The following KMT2A variants were observed in gnomAD, a reference collection of about 807,000 sequenced individuals.
KMT2A encodes histone-lysine N-methyltransferase 2A.
In KMT2A, 16 loss-of-function variants were observed where a neutral mutation model predicts 345.3. That is an observed-to-expected ratio of 0.05 (90% CI 0.03 to 0.07). The LOEUF (loss-of-function observed/expected upper bound fraction) is 0.07, where lower values mean the gene tolerates loss of function less well. Among genes scored for constraint, KMT2A ranks in the 10% least tolerant of loss-of-function variants. KMT2A has a pLI of 1.00. For synonymous variants in KMT2A, 1,599 were observed against 1,778.6 expected (o/e 0.90, Z 2.54); for missense variants, 3,272 against 4,841.6 (o/e 0.68, Z 9.62).
intron 1 of KMT2A, among the ~76,000 whole-genome samples, chr11:118,451,287 C>T (rs1199230600): frequency 2.0e-5 from 3 of 150,426 alleles, no homozygotes; most frequent in Non-Finnish European, 3.0e-5. Flanking sequence ...ACACAGCTCA[C>T]TGCAGCCTCA....
intron 31 of KMT2A, 161 bp from the exon 32 acceptor site, chr11:118,519,457 C>T: frequency 1.6e-6 from 1 of 620,454 alleles, no homozygotes; most frequent in Non-Finnish European, 2.9e-6. Flanking sequence ...GTATCAGCAT[C>T]ATTTTAATGG....
rs1214987071 is a variant in KMT2A, at chr11:118,481,937, C to T, written c.3857C>T (p.Ala1286Val). 1 of 1,614,190 alleles carries T rather than the reference C, an allele frequency of 6.2e-7. No individual in the cohort carries two copies. Among genetic ancestry groups the T allele is most frequent in the Non-Finnish European group, 8.5e-7 (1 of 1,180,036 alleles). ...GCCCCTGGGCCTGAATCCAAACAGG[C>T]CACCACTCCAGCTTCCAGGAAGTCA... ...VSAPGPESKQ[A>V]TTPASRKSSK... The change falls in exon 7 of 36, where the codon GCC (alanine) becomes GTC (valine). Residue 1286 changes from alanine to valine, a missense_variant. By Grantham distance (64) the Ala-to-Val change is moderately conservative. Transcript: ENST00000534358.
At chr11:118,519,926 C>T in intron 32 of KMT2A, 31 bp from the exon 33 acceptor site, 1 of 1,576,338 alleles carries the variant, frequency 6.3e-7, no homozygotes, top group Admixed American at 1.7e-5. Context: ...TAAAGCATTT[C>T]TCTAAATATG....
chr11:118,488,305 C>G (rs1399221456), intron 10 of KMT2A, among the ~76,000 whole-genome samples: 1 of 152,182 alleles, frequency 6.6e-6, no homozygotes, highest in Non-Finnish European at 1.5e-5. Context: ...TTCCCCCACC[C>G]CACTCCTTTA....
rs1951058053 is a variant in KMT2A, at chr11:118,525,310, C to A, written c.*3138C>A. 1.8e-5 allele frequency: 4 copies of A among 227,838 alleles called. No individual in the cohort carries two copies. In the East Asian group the frequency reaches 2.5e-4, roughly 14 times the overall value. The allele number at this position is 227,838 out of a possible 1,614,324, so 14.1% of individuals were successfully genotyped here. Reference sequence around the variant, plus strand: ...CTCACTTATAGCTTTGCTGCTAGAACCTGTTGTGGCTGCATTTCCTGGTGG... The same window carrying A: ...CTCACTTATAGCTTTGCTGCTAGAAACTGTTGTGGCTGCATTTCCTGGTGG... On this transcript the variant is annotated 3_prime_UTR_variant, in exon 36 of 36. Transcript: ENST00000534358.
At chr11:118,468,692 G>A in intron 1 of KMT2A, 83 bp from the exon 2 acceptor site, 1 of 1,027,738 alleles carries the variant, frequency 9.7e-7, no homozygotes, top group Non-Finnish European at 1.5e-6. Flanking sequence ...AAATTCATTT[G>A]TGTCTCCTCT....
chr11:118,443,653 A>AT (rs1461108004), intron 1 of KMT2A, among the ~76,000 whole-genome samples: 1 of 152,210 alleles, frequency 6.6e-6, no homozygotes, highest in Non-Finnish European at 1.5e-5. Flanking sequence ...CAACAAAGAT[A>AT]TAAGAGTTAG....
At chr11:118,437,881 C>T (rs901108430) in intron 1 of KMT2A, among the ~76,000 whole-genome samples, 2 of 152,146 alleles carry the variant, frequency 1.3e-5, no homozygotes, top group African/African-American at 4.8e-5. Context: ...CCCTCCAGCT[C>T]TGGGGAAGGG....
intron 26 of KMT2A, 107 bp downstream of exon 26, chr11:118,501,964 A>G (rs1301064207): frequency 7.4e-5 from 74 of 1,001,598 alleles, no homozygotes; most frequent in Non-Finnish European, 1.0e-4. Context: ...TTGAAAATGT[A>G]GATTCCGGGT....
intron 1 of KMT2A, chr11:118,438,995 T>C (rs782769037): frequency 2.1e-6 from 1 of 476,654 alleles, no homozygotes; most frequent in South Asian, 1.5e-5. Flanking sequence ...ATTATTTTTT[T>C]TTGAAAGGCC....
intron 1 of KMT2A, among the ~76,000 whole-genome samples, chr11:118,458,700 A>C (rs1045979163): frequency 6.6e-6 from 1 of 152,242 alleles, no homozygotes; most frequent in African/African-American, 2.4e-5. Context: ...AAGGTGCAAC[A>C]TTAAGACCTT....
chr11:118,461,529 G>A (rs575288656), intron 1 of KMT2A, among the ~76,000 whole-genome samples: 16 of 152,274 alleles, frequency 1.1e-4, no homozygotes, highest in African/African-American at 3.9e-4. Flanking sequence ...AGTCTCCAAG[G>A]ACATCAGTGT....
intron 1 of KMT2A, among the ~76,000 whole-genome samples, chr11:118,455,792 G>T (rs1258518185): frequency 6.6e-6 from 1 of 151,606 alleles, no homozygotes; most frequent in African/African-American, 2.4e-5. Flanking sequence ...TGACCTCCTG[G>T]GCTCTGGTGA....
Position 118,484,265 on chromosome 11 carries a change from A to G in KMT2A, c.4169A>G (p.Lys1390Arg). Residue 1390 changes from lysine (K) to arginine (R), a missense_variant, in exon 9 of 36, where the codon AAG (lysine) becomes AGG (arginine). By Grantham distance (26) the Lys-to-Arg change is conservative. Around this residue, in one of 27 missense-constraint regions of KMT2A, gnomAD observed 168 missense variants for 216.0 expected, o/e 0.78. Coordinates refer to ENST00000534358, the MANE Select transcript of KMT2A (RefSeq NM_001197104.2). The surrounding 1 kb of genome is among the most constrained non-coding windows in gnomAD (Gnocchi z 4.1). ...ACTCTCTCCAATGGCAATAGTTCTA[A>G]GCAAAAAATTCCAGCAGATGGAGTC... is the stretch of plus-strand genomic sequence containing the variant. ...LSTLSNGNSSKQKIPADGVHR... is the reference protein window; with the variant it reads ...LSTLSNGNSSRQKIPADGVHR... 6.2e-7 allele frequency: 1 copy of G among 1,614,196 alleles called. No individual in the cohort carries two copies. Among genetic ancestry groups the G allele is most frequent in the African/African-American group, 1.3e-5 (1 of 75,052 alleles).
At chr11:118,486,864 G>A (rs1458900121) in intron 10 of KMT2A, among the ~76,000 whole-genome samples, 3 of 151,814 alleles carry the variant, frequency 2.0e-5, no homozygotes, top group Admixed American at 6.6e-5. Flanking sequence ...CTCCAGCCTG[G>A]GCAACTAAGC....
intron 1 of KMT2A, among the ~76,000 whole-genome samples, chr11:118,445,399 A>G (rs1949398051): frequency 2.0e-5 from 3 of 152,204 alleles, no homozygotes; most frequent in African/African-American, 7.2e-5. Flanking sequence ...TGTTGTCTCT[A>G]TAACTAGTGT....
At chr11:118,513,845 G>C (rs1032252111) in intron 31 of KMT2A, among the ~76,000 whole-genome samples, 1 of 150,212 alleles carries the variant, frequency 6.7e-6, no homozygotes, top group Non-Finnish European at 1.5e-5. Flanking sequence ...GCTGATGTGG[G>C]AGGAGCGCAT....
intron 29 of KMT2A, 31 bp from the exon 30 acceptor site, chr11:118,509,917 C>T (rs1950653401): frequency 1.3e-6 from 2 of 1,549,264 alleles, no homozygotes; most frequent in South Asian, 1.2e-5. Context: ...GCATTTGTTA[C>T]TGCAACCACT....
intron 1 of KMT2A, among the ~76,000 whole-genome samples, chr11:118,463,174 T>C (rs1268767671): frequency 2.0e-5 from 3 of 151,654 alleles, no homozygotes; most frequent in Non-Finnish European, 4.4e-5. Flanking sequence ...CCCAGGCTGG[T>C]CTTGCACTCC....
Sources: gnomAD v4.1 joint callset for allele counts (sites outside exome capture counted in the v4.1 genomes callset) on GRCh38, gnomAD v4.1.1 for gene constraint, gnomAD v4.1.1 regional missense constraint, Gnocchi (gnomAD v3.1) non-coding constraint, MANE v1.5 for transcripts, NCBI Gene and HGNC (gene_info 2026-07-23, HGNC 2026-07-21) for gene names.